Variants in PLEKHM3 observed in about 807,000 individuals in gnomAD.
PLEKHM3 encodes the protein pleckstrin homology domain-containing family M member 3.
In PLEKHM3, 45 loss-of-function variants were observed where a neutral mutation model predicts 81.8. The ratio of observed to expected loss-of-function variants is 0.55; its 90% CI spans 0.43 to 0.71. The LOEUF is 0.71. Among genes scored for constraint, PLEKHM3 ranks in the 30% least tolerant of loss-of-function variants. The pLI, the probability that PLEKHM3 is intolerant of heterozygous loss-of-function variation, is 0.00. For synonymous variants in PLEKHM3, 352 were observed against 356.4 expected (o/e 0.99, Z 0.14); for missense variants, 788 against 924.3 (o/e 0.85, Z 1.91).
intron 5 of PLEKHM3, among the ~76,000 whole-genome samples, chr2:207,913,970 T>G (rs537306461): frequency 6.6e-6 from 1 of 151,940 alleles, no homozygotes; most frequent in Admixed American, 6.6e-5. Context: ...CGCGTGTGCG[T>G]GCGCACACGC....
intron 2 of PLEKHM3, among the ~76,000 whole-genome samples, chr2:207,983,030 G>C (rs183013194): frequency 1.3e-5 from 2 of 151,636 alleles, no homozygotes; most frequent in African/African-American, 2.4e-5. Flanking sequence ...AAGTTTTGGG[G>C]GAGTCAAATA....
intron 6 of PLEKHM3, among the ~76,000 whole-genome samples, chr2:207,872,995 CAG>C (rs1428087344): frequency 6.6e-6 from 1 of 151,816 alleles, no homozygotes; most frequent in African/African-American, 2.4e-5. Context: ...TTTTCAGAAA[CAG>C]AGGAAAAACA....
At chr2:207,911,214 T>C (rs12989033) in intron 5 of PLEKHM3, among the ~76,000 whole-genome samples, 65 of 152,292 alleles carry the variant, frequency 4.3e-4, no homozygotes, top group Non-Finnish European at 8.7e-4. Context: ...ATGAGGGTTG[T>C]TTGTTTTTAC....
chr2:207,924,450 C>T (rs750650897), intron 5 of PLEKHM3, among the ~76,000 whole-genome samples: 4 of 151,740 alleles, frequency 2.6e-5, no homozygotes, highest in South Asian at 2.1e-4. Context: ...TTGGGGACGC[C>T]GAGGCAGGTG....
chr2:207,863,316 C>G (rs1382179026), intron 6 of PLEKHM3, among the ~76,000 whole-genome samples: 3 of 152,238 alleles, frequency 2.0e-5, no homozygotes, highest in Non-Finnish European at 4.4e-5. Context: ...CATGAAAACC[C>G]CTCTGATGGC....
intron 6 of PLEKHM3, among the ~76,000 whole-genome samples, chr2:207,865,801 A>AATATATATATAT: frequency 1.2e-4 from 3 of 25,290 alleles, no homozygotes; most frequent in African/African-American, 6.3e-4. Flanking sequence ...AAAAAAAAAA[A>AATATATATATAT]AGATATATAT....
At chr2:207,943,484 G>T (rs1288216284) in intron 4 of PLEKHM3, among the ~76,000 whole-genome samples, 3 of 152,184 alleles carry the variant, frequency 2.0e-5, no homozygotes, top group Non-Finnish European at 2.9e-5. Context: ...GATCATAACA[G>T]AATCCTAAGC....
chr2:207,853,313 A>G (rs1486684907), intron 7 of PLEKHM3, among the ~76,000 whole-genome samples: 2 of 151,840 alleles, frequency 1.3e-5, no homozygotes, highest in Non-Finnish European at 2.9e-5. Context: ...GCTACTTGGG[A>G]GGCTGAGGCA....
chr2:208,010,827 C>T (rs1340034764), intron 1 of PLEKHM3, among the ~76,000 whole-genome samples: 1 of 152,194 alleles, frequency 6.6e-6, no homozygotes, highest in Non-Finnish European at 1.5e-5. Context: ...CAATACAGGA[C>T]TGTGTTTATC....
At position 207,883,039 on chromosome 2, in the gene PLEKHM3, C is replaced by T. The variant is rs765330309; in HGVS notation, c.1951-21777G>A. Among the ~76,000 whole-genome samples, 6 of 152,218 alleles carry T rather than the reference C, an allele frequency of 3.9e-5. No individual in the cohort carries two copies. In the East Asian group the frequency reaches 5.8e-4, roughly 15 times the overall value. ...CTGGGATTACAGGCATGAGCTACCG[C>T]GCCTGGCTGAACTACACATACTCAA... On this transcript the variant is annotated intron_variant, in intron 6 of 7. Coordinates refer to ENST00000427836, the MANE Select transcript of PLEKHM3 (RefSeq NM_001080475.3).
chr2:207,880,510 TC>T (rs1205223404), intron 6 of PLEKHM3, among the ~76,000 whole-genome samples: 1 of 150,154 alleles, frequency 6.7e-6, no homozygotes, highest in Admixed American at 6.6e-5. Context: ...ACGCCTGTAA[TC>T]CTAGCACTTT....
At chr2:208,004,850 A>G (rs1692446020) in intron 1 of PLEKHM3, among the ~76,000 whole-genome samples, 1 of 151,958 alleles carries the variant, frequency 6.6e-6, no homozygotes, top group Non-Finnish European at 1.5e-5. Context: ...TTCAAGACGG[A>G]GTTTTGCTCT....
At chr2:207,831,532 A>T (rs2092288053) in intron 7 of PLEKHM3, among the ~76,000 whole-genome samples, 1 of 152,228 alleles carries the variant, frequency 6.6e-6, no homozygotes, top group Non-Finnish European at 1.5e-5. Context: ...TGGTTTTCTC[A>T]TTTGTAAAAT....
At chr2:207,845,368 C>T (rs2092376836) in intron 7 of PLEKHM3, among the ~76,000 whole-genome samples, 1 of 152,190 alleles carries the variant, frequency 6.6e-6, no homozygotes, top group African/African-American at 2.4e-5. Context: ...GAAAAGTCAA[C>T]ACATTTTGTT....
chr2:207,871,266 T>A (rs1056370901), intron 6 of PLEKHM3, among the ~76,000 whole-genome samples: 2 of 152,180 alleles, frequency 1.3e-5, no homozygotes, highest in Non-Finnish European at 2.9e-5. Flanking sequence ...CTTTTCTAAT[T>A]AGCTGCTCCT....
chr2:207,853,930 C>T (rs544073712), intron 7 of PLEKHM3, among the ~76,000 whole-genome samples: 34 of 151,924 alleles, frequency 2.2e-4, no homozygotes, highest in Non-Finnish European at 4.1e-4. Flanking sequence ...GCCACCATGC[C>T]CAGCTAATTT....
At chr2:207,966,889 C>T (rs1307704316) in intron 3 of PLEKHM3, among the ~76,000 whole-genome samples, 1 of 152,180 alleles carries the variant, frequency 6.6e-6, no homozygotes, top group Non-Finnish European at 1.5e-5. Flanking sequence ...GCATACATAA[C>T]TGAAGTTTCC....
At chr2:207,858,233 G>A (rs1269696501) in intron 7 of PLEKHM3, among the ~76,000 whole-genome samples, 12 of 149,266 alleles carry the variant, frequency 8.0e-5, no homozygotes, top group Non-Finnish European at 1.8e-4. Flanking sequence ...GAGTGCAGTG[G>A]TGTGATCTTG....
intron 3 of PLEKHM3, among the ~76,000 whole-genome samples, chr2:207,955,107 C>G (rs1690459026): frequency 6.6e-6 from 1 of 152,098 alleles, no homozygotes; most frequent in African/African-American, 2.4e-5. Flanking sequence ...ATATCTACCC[C>G]AAAAGTTGTA....
Sources: allele counts gnomAD v4.1 joint callset (sites outside exome capture counted in the v4.1 genomes callset), GRCh38; gene constraint gnomAD v4.1.1; transcripts MANE v1.5; gene names NCBI Gene and HGNC (gene_info 2026-07-23, HGNC 2026-07-21).